PLEKHH2: variants seen among roughly 807,000 people sequenced by gnomAD.
PLEKHH2 encodes the protein pleckstrin homology, MyTH4 and FERM domain containing H2, also known as pleckstrin homology domain-containing family H member 2.
Under a neutral mutation model 187.9 loss-of-function variants are expected in PLEKHH2, and 129 were observed. The observed-to-expected ratio is 0.69, with a 90% CI of 0.59 to 0.79. The LOEUF is 0.79. Among genes scored for constraint, PLEKHH2 ranks in the 30% least tolerant of loss-of-function variants. PLEKHH2 has a pLI of 0.00. For missense variants in PLEKHH2, 2,076 were observed against 1,751.2 expected (o/e 1.19, Z -3.31); for synonymous variants, 686 against 605.6 (o/e 1.13, Z -1.95).
At chr2:43,682,072 A>C (rs1668223133) in intron 3 of PLEKHH2, among the ~76,000 whole-genome samples, 1 of 151,982 alleles carries the variant, frequency 6.6e-6, no homozygotes, top group Admixed American at 6.6e-5. Context: ...CCCCCCTCAC[A>C]CTGGACTATT....
chr2:43,703,741 A>G (rs528352008), intron 8 of PLEKHH2, among the ~76,000 whole-genome samples: 1 of 152,166 alleles, frequency 6.6e-6, no homozygotes, highest in Non-Finnish European at 1.5e-5. Context: ...AATTTATCAA[A>G]CAAAAATGTG....
At chr2:43,725,432 T>C (rs1254834889) in intron 16 of PLEKHH2, among the ~76,000 whole-genome samples, 1 of 152,190 alleles carries the variant, frequency 6.6e-6, no homozygotes, top group Non-Finnish European at 1.5e-5. Context: ...CCTTCCCCCC[T>C]CCTTCTGTGC....
In PLEKHH2 at chr2:43,746,607, A is replaced by G. The variant is rs187934042; in HGVS notation, c.3653+644A>G. 2.3e-3 allele frequency among the ~76,000 whole-genome samples: 344 copies of G among 152,322 alleles called. 1 individual carries two copies. The highest frequency in any genetic ancestry group is 3.8e-3 in the Non-Finnish European group (257 of 68,026). On this transcript the variant is annotated intron_variant, in intron 24 of 29. Coordinates refer to ENST00000282406, the MANE Select transcript of PLEKHH2 (RefSeq NM_172069.4). ...TAGTTGCTCTCTTAGAGTAGTTGAT[A>G]CAAGGATGCATTTTTCACTTTCATA...
intron 1 of PLEKHH2, among the ~76,000 whole-genome samples, chr2:43,640,888 G>T (rs1248813899): frequency 6.6e-6 from 1 of 151,202 alleles, no homozygotes; most frequent in Non-Finnish European, 1.5e-5. Context: ...GGGCTCAAGT[G>T]ATCTTCCTGC....
intron 3 of PLEKHH2, among the ~76,000 whole-genome samples, chr2:43,683,142 C>CTTTTTT (rs34805310): frequency 4.2e-5 from 4 of 94,574 alleles, no homozygotes; most frequent in Non-Finnish European, 8.0e-5. Flanking sequence ...TTTATATACC[C>CTTTTTT]TTTTTTTTTT....
chr2:43,702,959 G>T (rs558814835), intron 8 of PLEKHH2, among the ~76,000 whole-genome samples: 24 of 152,052 alleles, frequency 1.6e-4, no homozygotes, highest in Non-Finnish European at 3.1e-4. Context: ...GTCTCCTAGG[G>T]CTTCAGACTG....
chr2:43,755,927 A>G (rs909030708), intron 25 of PLEKHH2, among the ~76,000 whole-genome samples: 4 of 152,330 alleles, frequency 2.6e-5, no homozygotes, highest in South Asian at 2.1e-4. Flanking sequence ...TCACCTGTGC[A>G]TGGAGCTTTA....
At chr2:43,678,284 C>A (rs1256650976) in intron 2 of PLEKHH2, among the ~76,000 whole-genome samples, 1 of 151,686 alleles carries the variant, frequency 6.6e-6, no homozygotes, top group African/African-American at 2.4e-5. Flanking sequence ...CAGGCAGAGA[C>A]GCTCCTCACT....
At chr2:43,764,193 G>A (rs746301790) in intron 28 of PLEKHH2, 35 bp from the exon 29 acceptor site, 5 of 1,255,372 alleles carry the variant, frequency 4.0e-6, no homozygotes, top group Non-Finnish European at 5.3e-6. Flanking sequence ...GGAAGTAAGA[G>A]CATATAACAT....
chr2:43,701,354 C>G (rs1048495227), intron 8 of PLEKHH2, among the ~76,000 whole-genome samples: 1 of 152,158 alleles, frequency 6.6e-6, no homozygotes, highest in Non-Finnish European at 1.5e-5. Context: ...TCTCAGCTTA[C>G]CAATCACATT....
chr2:43,673,102 A>C (rs1667567204), intron 2 of PLEKHH2, among the ~76,000 whole-genome samples: 1 of 152,208 alleles, frequency 6.6e-6, no homozygotes, highest in African/African-American at 2.4e-5. Context: ...TACAAAAGTA[A>C]GCAGAATGTT....
chr2:43,672,839 T>C (rs1231843250), intron 2 of PLEKHH2, among the ~76,000 whole-genome samples: 1 of 152,160 alleles, frequency 6.6e-6, no homozygotes, highest in Admixed American at 6.6e-5. Context: ...CAAACTACTT[T>C]ATCCATAATC....
chr2:43,668,419 A>G (rs1461163215), intron 2 of PLEKHH2, among the ~76,000 whole-genome samples: 2 of 152,212 alleles, frequency 1.3e-5, no homozygotes, highest in Non-Finnish European at 2.9e-5. Flanking sequence ...ATATTAGATC[A>G]TTTATCATTA....
intron 2 of PLEKHH2, among the ~76,000 whole-genome samples, chr2:43,655,877 G>C (rs1462575083): frequency 6.6e-6 from 1 of 151,902 alleles, no homozygotes; most frequent in East Asian, 1.9e-4. Flanking sequence ...CACATTCTTT[G>C]TTCAGAAAAA....
intron 15 of PLEKHH2, among the ~76,000 whole-genome samples, chr2:43,720,263 A>G (rs968548100): frequency 1.3e-5 from 2 of 148,958 alleles, no homozygotes; most frequent in African/African-American, 5.0e-5. Context: ...CCATTCTACT[A>G]CTGTTAACAG....
rs775181688 is a variant in PLEKHH2, at chr2:43,697,318, C to T, written c.650C>T (p.Ser217Leu). Residue 217 changes from serine (S) to leucine (L), a missense_variant, in exon 7 of 30, where the codon TCG (serine) becomes TTG (leucine). By Grantham distance (145) the Ser-to-Leu change is moderately radical. Transcript: ENST00000282406. ...TCTGAGGAAATGAGCAAGATATCAT[C>T]GAAAGAACCTGAGTTCACTGAAGGA... The part of the protein sequence containing the change: ...VKSEEMSKIS[S>L]KEPEFTEGKD... The T allele has an allele frequency of 5.0e-6, 8 of 1,612,938 alleles. No individual in the cohort carries two copies. Among genetic ancestry groups the T allele is most frequent in the East Asian group, 2.2e-5 (1 of 44,830 alleles).
intron 15 of PLEKHH2, among the ~76,000 whole-genome samples, chr2:43,714,682 A>G (rs1341234354): frequency 6.6e-6 from 1 of 152,188 alleles, no homozygotes; most frequent in African/African-American, 2.4e-5. Flanking sequence ...TTTTCTATAT[A>G]AAAATTCAGT....
At position 43,739,733 on chromosome 2, in the gene PLEKHH2, A is replaced by G. The variant is rs377106416; in HGVS notation, c.3123+1213A>G. On this transcript the variant is annotated intron_variant, in intron 20 of 29. Transcript: ENST00000282406. ...TCTCCACTTCCTGCCTCCAGCAGAC[A>G]GTGAATGAATAAATTCGCCCCATCC... Among the ~76,000 whole-genome samples the G allele has an allele frequency of 1.8e-4, 27 of 152,310 alleles. 2 individuals are homozygous for G. In the South Asian group the frequency reaches 5.6e-3, roughly 32 times the overall value.
intron 16 of PLEKHH2, among the ~76,000 whole-genome samples, chr2:43,721,282 C>T (rs143011687): frequency 1.8e-3 from 277 of 152,246 alleles, no homozygotes; most frequent in African/African-American, 4.0e-3. Context: ...AAAGGTAAAA[C>T]GCATGCCCAG....
Sources: gnomAD v4.1 joint callset for allele counts (sites outside exome capture counted in the v4.1 genomes callset) on GRCh38, gnomAD v4.1.1 for gene constraint, MANE v1.5 for transcripts, NCBI Gene and HGNC (gene_info 2026-07-23, HGNC 2026-07-21) for gene names.